GNAQ: variants seen among roughly 807,000 people sequenced by gnomAD.
GNAQ encodes G protein subunit alpha q, also known as guanine nucleotide-binding protein G(q) subunit alpha.
A neutral mutation model predicts 43.9 loss-of-function variants in GNAQ; 8 were observed. That is an observed-to-expected ratio of 0.18 (90% confidence interval 0.11 to 0.33). GNAQ has a LOEUF of 0.33. GNAQ is among the 10% of genes least tolerant of loss of function. The probability of loss-of-function intolerance (pLI) is 1.00; values close to 1 mark genes in which losing one functional copy is unlikely to be tolerated. For synonymous variants in GNAQ, 155 were observed against 170.7 expected, an observed-to-expected ratio of 0.91 and a Z score of 0.71; for missense variants, 158 against 450.8, an observed-to-expected ratio of 0.35 and a Z score of 5.88.
chr9:78,002,891 T>G (rs1823660905), intron 1 of GNAQ, among the ~76,000 whole-genome samples: 1 of 152,176 alleles, frequency 6.6e-6, no homozygotes, highest in Non-Finnish European at 1.5e-5. Context: ...AATGTCACAT[T>G]TCCTTTCAGT....
chr9:77,816,713 A>C (rs140774656), intron 2 of GNAQ, among the ~76,000 whole-genome samples: 1 of 152,342 alleles, frequency 6.6e-6, no homozygotes, highest in East Asian at 1.9e-4. Context: ...ATAATTACTG[A>C]AACAATCCTG....
intron 2 of GNAQ, among the ~76,000 whole-genome samples, chr9:77,830,347 G>A (rs1297641310): frequency 6.6e-6 from 1 of 152,116 alleles, no homozygotes; most frequent in African/African-American, 2.4e-5. Flanking sequence ...GGGGCACAGA[G>A]AGAAAATATC....
chr9:77,962,679 C>T (rs1035776352), intron 1 of GNAQ, among the ~76,000 whole-genome samples: 2 of 151,972 alleles, frequency 1.3e-5, no homozygotes, highest in African/African-American at 4.8e-5. Flanking sequence ...CACTTGAGGT[C>T]AGGAGTGTGA....
chr9:77,851,609 T>C (rs1054055454), intron 2 of GNAQ, among the ~76,000 whole-genome samples: 1 of 152,206 alleles, frequency 6.6e-6, no homozygotes, highest in Non-Finnish European at 1.5e-5. Flanking sequence ...ATTACGTATC[T>C]CTGCTCTAGT....
At position 77,971,074 on chromosome 9, in the gene GNAQ, C is replaced by T. The variant is rs146078868; in HGVS notation, c.137-48729G>A. The stretch of plus-strand genomic sequence containing the variant: ...ATACACACACCCTCCCAAGACTAAA[C>T]CAGGAAGAAGTTGAATCCCTGAATA... On this transcript the variant is annotated intron_variant, in intron 1 of 6. Coordinates refer to ENST00000286548, the MANE Select transcript of GNAQ (RefSeq NM_002072.5). Among the ~76,000 whole-genome samples, 1,495 of 152,174 alleles carry T rather than the reference C, an allele frequency of 9.8e-3. 17 individuals are homozygous for T. The highest frequency in any genetic ancestry group is 0.033 in the African/African-American group (1,390 of 41,518).
At chr9:77,968,877 G>GCTGCTCC (rs1823202113) in intron 1 of GNAQ, among the ~76,000 whole-genome samples, 1 of 152,342 alleles carries the variant, frequency 6.6e-6, no homozygotes, top group South Asian at 2.1e-4. Flanking sequence ...ACCTCCTGTG[G>GCTGCTCC]CAAGGTGATT....
chr9:77,800,303 G>A (rs1826722058), intron 3 of GNAQ, among the ~76,000 whole-genome samples: 1 of 151,980 alleles, frequency 6.6e-6, no homozygotes, highest in Non-Finnish European at 1.5e-5. Context: ...ATTCACAATA[G>A]CGAAGACTTG....
intron 5 of GNAQ, among the ~76,000 whole-genome samples, chr9:77,763,155 A>C (rs1280630582): frequency 2.7e-5 from 4 of 148,100 alleles, no homozygotes; most frequent in South Asian, 2.1e-4. Context: ...AAAAAAAAAA[A>C]CAAAGGAAAA....
chr9:77,789,476 G>T (rs1179465877), intron 5 of GNAQ, among the ~76,000 whole-genome samples: 2 of 151,772 alleles, frequency 1.3e-5, no homozygotes, highest in Admixed American at 6.6e-5. Flanking sequence ...CAAACTGAAG[G>T]CTTATTTTAT....
At chr9:77,889,134 G>A (rs146983208) in intron 2 of GNAQ, among the ~76,000 whole-genome samples, 181 of 151,922 alleles carry the variant, frequency 1.2e-3, no homozygotes, top group African/African-American at 4.2e-3. Context: ...TAATCCTGAG[G>A]CTGGGCATGT....
At chr9:77,865,161 C>T (rs141703767) in intron 2 of GNAQ, among the ~76,000 whole-genome samples, 1 of 152,210 alleles carries the variant, frequency 6.6e-6, no homozygotes, top group Non-Finnish European at 1.5e-5. Context: ...GCTCACTCCG[C>T]TCTTCCATAC....
chr9:77,845,249 T>C (rs1178385440), intron 2 of GNAQ, among the ~76,000 whole-genome samples: 1 of 152,214 alleles, frequency 6.6e-6, no homozygotes, highest in Non-Finnish European at 1.5e-5. Flanking sequence ...TGTTTATTGT[T>C]TGTTTCTTAC....
chr9:77,840,895 T>C (rs1359120693), intron 2 of GNAQ, among the ~76,000 whole-genome samples: 1 of 151,936 alleles, frequency 6.6e-6, no homozygotes, highest in Non-Finnish European at 1.5e-5. Context: ...GGGAGAGCAC[T>C]GGAGAGAGAT....
intron 1 of GNAQ, among the ~76,000 whole-genome samples, chr9:77,940,705 C>T (rs989245907): frequency 1.3e-5 from 2 of 152,184 alleles, no homozygotes; most frequent in South Asian, 2.1e-4. Flanking sequence ...CGGTGGCTCA[C>T]GCCTGTAATC....
At chr9:77,969,050 C>T (rs1271403290) in intron 1 of GNAQ, among the ~76,000 whole-genome samples, 1 of 152,234 alleles carries the variant, frequency 6.6e-6, no homozygotes, top group Non-Finnish European at 1.5e-5. Context: ...ACTTCACTTT[C>T]TCCCTGAAGA....
chr9:77,746,923 G>A (rs1310756719), intron 5 of GNAQ, among the ~76,000 whole-genome samples: 1 of 152,112 alleles, frequency 6.6e-6, no homozygotes, highest in Non-Finnish European at 1.5e-5. Context: ...CTGAGAAAGT[G>A]CTCTTTAAAA....
chr9:77,783,214 G>A (rs1044779528), intron 5 of GNAQ, among the ~76,000 whole-genome samples: 1 of 152,164 alleles, frequency 6.6e-6, no homozygotes, highest in South Asian at 2.1e-4. Context: ...TGATAGTGGG[G>A]AAGGCTATTC....
At chr9:77,815,926 T>C (rs1222551988) in intron 2 of GNAQ, among the ~76,000 whole-genome samples, 156 bp from the exon 3 acceptor site, 3 of 152,210 alleles carry the variant, frequency 2.0e-5, no homozygotes, top group Non-Finnish European at 2.9e-5. Flanking sequence ...TTTTTTGTTT[T>C]TCTTAGAGAG....
At chr9:77,734,093 G>A (rs1423556586) in intron 5 of GNAQ, among the ~76,000 whole-genome samples, 9 of 152,164 alleles carry the variant, frequency 5.9e-5, no homozygotes, top group Non-Finnish European at 1.0e-4. Context: ...TGCTGTCATC[G>A]AAGTCAACAT....
Sources: gnomAD v4.1 joint callset for allele counts (sites outside exome capture counted in the v4.1 genomes callset) on GRCh38, gnomAD v4.1.1 for gene constraint, MANE v1.5 for transcripts, NCBI Gene and HGNC (gene_info 2026-07-23, HGNC 2026-07-21) for gene names.